AGAP1: variants seen among roughly 807,000 people sequenced by gnomAD.
AGAP1 encodes arf-GAP with GTPase, ANK repeat and PH domain-containing protein 1.
A neutral mutation model predicts 105.3 loss-of-function variants in AGAP1; 29 were observed. That is an observed-to-expected ratio of 0.28 (90% CI 0.21 to 0.38). The LOEUF is 0.38. Ranked by LOEUF, AGAP1 falls within the 10% of genes least tolerant of loss-of-function variation. The pLI, the probability that AGAP1 is intolerant of heterozygous loss-of-function variation, is 1.00. For missense variants in AGAP1, 998 were observed against 1,165.1 expected, an observed-to-expected ratio of 0.86 and a Z score of 2.09; for synonymous variants, 509 against 485.9, an observed-to-expected ratio of 1.05 and a Z score of -0.63.
chr2:236,115,748 A>G (rs989642717), intron 16 of AGAP1, among the ~76,000 whole-genome samples: 10 of 152,208 alleles, frequency 6.6e-5, no homozygotes, highest in African/African-American at 2.4e-4. Context: ...ACTGTCCGAG[A>G]AAACACTGAA....
rs1056926622 is a variant in AGAP1, at chr2:236,040,455, T to C, written c.1801-296T>C. Among the ~76,000 whole-genome samples the C allele has an allele frequency of 3.3e-5, 5 of 152,184 alleles. No homozygotes were observed. The highest frequency in any genetic ancestry group is 5.9e-5 in the Non-Finnish European group (4 of 68,032). ...CCCATTTACCTTCTCCAGGTTACCATGGTCCATGCGTATTCACAGATGATC... is the reference window on the plus strand; with the variant it reads ...CCCATTTACCTTCTCCAGGTTACCACGGTCCATGCGTATTCACAGATGATC... On this transcript the variant is annotated intron_variant, in intron 14 of 17. Coordinates refer to ENST00000304032, the MANE Select transcript of AGAP1 (RefSeq NM_001037131.3). The surrounding 1 kb of genome is among the most constrained non-coding windows in gnomAD (Gnocchi z 5.6).
At chr2:235,746,407 TTTTTA>T (rs1329522403) in intron 5 of AGAP1, among the ~76,000 whole-genome samples, 1 of 112,136 alleles carries the variant, frequency 8.9e-6, no homozygotes, top group African/African-American at 3.2e-5. Flanking sequence ...TTTTTTTTTT[TTTTTA>T]AAGCGTACGT....
rs549826086 is a variant in AGAP1, at chr2:235,902,347, T to G, written c.1156-6391T>G. 9.2e-5 allele frequency among the ~76,000 whole-genome samples: 14 copies of G among 152,368 alleles called. No individual in the cohort carries two copies. The East Asian group carries it at 1.2e-3, about 13-fold the overall frequency. On this transcript the variant is annotated intron_variant, in intron 10 of 17. Coordinates refer to ENST00000304032, the MANE Select transcript of AGAP1 (RefSeq NM_001037131.3). ...AGTAATGCAATGTGAAATCACTATTTTTTTTCCTCCTCTACTACCTTAAAA... is the reference window on the plus strand; with the variant it reads ...AGTAATGCAATGTGAAATCACTATTGTTTTTCCTCCTCTACTACCTTAAAA...
chr2:235,904,278 G>A lies in AGAP1; in HGVS notation c.1156-4460G>A, dbSNP rs1049265095. On this transcript the variant is annotated intron_variant, in intron 10 of 17. Coordinates refer to ENST00000304032, the MANE Select transcript of AGAP1 (RefSeq NM_001037131.3). The surrounding 1 kb of genome is among the most constrained non-coding windows in gnomAD (Gnocchi z 4.2). Reference sequence around the variant, plus strand: ...CGGAGCAGGGTTGCAGGGGGACAGCGAGGCACAGTTACCGAGCAATTGGCG... The same window carrying A: ...CGGAGCAGGGTTGCAGGGGGACAGCAAGGCACAGTTACCGAGCAATTGGCG... 3.3e-5 allele frequency among the ~76,000 whole-genome samples: 5 copies of A among 152,218 alleles called. No individual in the cohort carries two copies. The highest frequency in any genetic ancestry group is 4.4e-5 in the Non-Finnish European group (3 of 68,034).
chr2:235,614,197 T>TA lies in AGAP1; in HGVS notation c.164-94981dup, dbSNP rs1946233602. Among the ~76,000 whole-genome samples the TA allele has an allele frequency of 6.6e-6, 1 of 152,108 alleles. No individual in the cohort carries two copies. The highest frequency in any genetic ancestry group is 2.4e-5 in the African/African-American group (1 of 41,402). ...TTGGCCTCAGGGGGTCCTTGGAGTCTAGAAGGGATGGTGACATTGGCCAGA... is the reference window on the plus strand; with the variant it reads ...TTGGCCTCAGGGGGTCCTTGGAGTCTAAGAAGGGATGGTGACATTGGCCAGA... On this transcript the variant is annotated intron_variant, in intron 1 of 17. Transcript: ENST00000304032. The surrounding 1 kb of genome is among the most constrained non-coding windows in gnomAD (Gnocchi z 4.7).
chr2:235,727,604 T>C (rs1350115467), intron 3 of AGAP1, among the ~76,000 whole-genome samples: 1 of 152,230 alleles, frequency 6.6e-6, no homozygotes, highest in African/African-American at 2.4e-5. Context: ...ATACATTGTT[T>C]GGATCTTAAA....
At position 235,598,061 on chromosome 2, in the gene AGAP1, G is replaced by A. The variant is rs1425895165; in HGVS notation, c.163+103212G>A. Among the ~76,000 whole-genome samples the A allele has an allele frequency of 7.2e-5, 9 of 124,378 alleles. 1 individual carries two copies. Among genetic ancestry groups the A allele is most frequent in the Non-Finnish European group, 1.4e-4 (8 of 58,546 alleles). 81.6% of individuals were successfully genotyped at this position (124,378 alleles called of 152,430 possible). A position where few individuals can be genotyped will look rare whatever the true frequency, so the allele number is the denominator to read the frequency against. On this transcript the variant is annotated intron_variant, in intron 1 of 17. Transcript: ENST00000304032. ...GTGCACGCGCTCCCGTGTTTCCTTT[G>A]GGTGGAGCGTGCACGCGCTCCCGTG...
rs1198094023 is a variant in AGAP1, at chr2:236,050,951, G to A, written c.2114+1670G>A. ...TTTTGTAGTTCTAATTTGCATCCTT[G>A]AATTAAGTTCTTGAGTGCAGAGCCC... On this transcript the variant is annotated intron_variant, in intron 16 of 17. Transcript: ENST00000304032. The surrounding 1 kb of genome is among the most constrained non-coding windows in gnomAD (Gnocchi z 4.0). 6.6e-6 allele frequency among the ~76,000 whole-genome samples: 1 copy of A among 152,174 alleles called. No homozygotes were observed. The highest frequency in any genetic ancestry group is 1.5e-5 in the Non-Finnish European group (1 of 68,036).
At chr2:235,995,879 A>G (rs1402271933) in intron 13 of AGAP1, among the ~76,000 whole-genome samples, 2 of 152,194 alleles carry the variant, frequency 1.3e-5, no homozygotes. Context: ...CCCATTGCCA[A>G]AAATGGGTTT....
chr2:235,670,580 C>T, intron 1 of AGAP1: 1 of 537,904 alleles, frequency 1.9e-6, no homozygotes, highest in Non-Finnish European at 3.2e-6. Flanking sequence ...CTGGAGCGGG[C>T]CTGAGGCGCC....
intron 1 of AGAP1, among the ~76,000 whole-genome samples, chr2:235,590,340 C>G (rs1945283908): frequency 6.6e-6 from 1 of 152,200 alleles, no homozygotes; most frequent in Non-Finnish European, 1.5e-5. Flanking sequence ...CCTTTAGGTG[C>G]CTATCCTTTT....
chr2:235,695,659 G>A (rs944970694), intron 1 of AGAP1, among the ~76,000 whole-genome samples: 17 of 152,324 alleles, frequency 1.1e-4, no homozygotes, highest in African/African-American at 3.9e-4. Flanking sequence ...GCAGAGCAGT[G>A]TCTCTTCCAC....
intron 1 of AGAP1, among the ~76,000 whole-genome samples, chr2:235,590,715 ATTTTTTTT>A (rs67076321): frequency 1.9e-5 from 1 of 53,714 alleles, no homozygotes; most frequent in Non-Finnish European, 3.3e-5. Context: ...GTGTGTGTGC[ATTTTTTTT>A]TTTTTTTTTT....
In AGAP1 at chr2:235,724,380, G is replaced by A. The variant is rs1951546065; in HGVS notation, c.310+6736G>A. Reference sequence around the variant, plus strand: ...CTCGGGCCACACATAGGCAGCAGCTGCCCCCATGCTCTGTCCCAGAGACGG... The same window carrying A: ...CTCGGGCCACACATAGGCAGCAGCTACCCCCATGCTCTGTCCCAGAGACGG... On this transcript the variant is annotated intron_variant, in intron 3 of 17. Transcript: ENST00000304032. The surrounding 1 kb of genome is among the most constrained non-coding windows in gnomAD (Gnocchi z 4.9). Among the ~76,000 whole-genome samples, 1 of 152,222 alleles carries A rather than the reference G, an allele frequency of 6.6e-6. No homozygotes were observed. Among genetic ancestry groups the A allele is most frequent in the Non-Finnish European group, 1.5e-5 (1 of 68,048 alleles).
At chr2:236,018,850 C>T (rs1447790996) in intron 13 of AGAP1, among the ~76,000 whole-genome samples, 4 of 152,214 alleles carry the variant, frequency 2.6e-5, no homozygotes, top group East Asian at 1.9e-4. Context: ...TGGGTACTTC[C>T]GTTCACCACA....
rs186962276 is a variant in AGAP1, at chr2:235,922,335, C to G, written c.1325-8430C>G. Among the ~76,000 whole-genome samples, 25 of 152,318 alleles carry G rather than the reference C, an allele frequency of 1.6e-4. No individual in the cohort carries two copies. In the Middle Eastern group the frequency reaches 0.01, roughly 62 times the overall value. On this transcript the variant is annotated intron_variant, in intron 11 of 17. Transcript: ENST00000304032. The stretch of plus-strand genomic sequence containing the variant: ...TGGGAATAAACGTCTGTTTTACACT[C>G]AAGTGCTCATAGAATCCTTTTTGGC...
rs1191142162 is a variant in AGAP1, at chr2:235,787,675, A to G, written c.674-10084A>G. Among the ~76,000 whole-genome samples the G allele has an allele frequency of 1.3e-5, 2 of 152,220 alleles. No individual in the cohort carries two copies. Among genetic ancestry groups the G allele is most frequent in the Non-Finnish European group, 2.9e-5 (2 of 68,036 alleles). On this transcript the variant is annotated intron_variant, in intron 6 of 17. Coordinates refer to ENST00000304032, the MANE Select transcript of AGAP1 (RefSeq NM_001037131.3). This position sits in a 1 kb window ranked among gnomAD's most constrained non-coding sequence, Gnocchi z 4.4. ...GTAAATGGGATGAGTGAGGGATGCTATAAAGCATAGTAAAGAAACCTTCCT... is the reference window on the plus strand; with the variant it reads ...GTAAATGGGATGAGTGAGGGATGCTGTAAAGCATAGTAAAGAAACCTTCCT...
intron 10 of AGAP1, among the ~76,000 whole-genome samples, chr2:235,886,793 A>G (rs1575697729): frequency 1.3e-5 from 2 of 152,330 alleles, no homozygotes; most frequent in East Asian, 3.9e-4. Context: ...ATGACCTTCC[A>G]CGTAATCCTT....
chr2:235,648,223 C>A (rs1180739639), intron 1 of AGAP1, among the ~76,000 whole-genome samples: 1 of 152,190 alleles, frequency 6.6e-6, no homozygotes, highest in Non-Finnish European at 1.5e-5. Flanking sequence ...CCTGCCCCTC[C>A]ACCTCCTGTG....
Sources: gnomAD v4.1 joint callset for allele counts (sites outside exome capture counted in the v4.1 genomes callset) on GRCh38, gnomAD v4.1.1 for gene constraint, Gnocchi (gnomAD v3.1) non-coding constraint, MANE v1.5 for transcripts, NCBI Gene and HGNC (gene_info 2026-07-23, HGNC 2026-07-21) for gene names.